The following GPC6 variants were observed in gnomAD, a reference collection of about 807,000 sequenced individuals.
The protein encoded by GPC6 is glypican 6, also known as glypican-6.
A neutral mutation model predicts 55.2 loss-of-function variants in GPC6; 14 were observed. The observed-to-expected ratio is 0.25, with a 90% confidence interval of 0.17 to 0.40. The LOEUF (loss-of-function observed/expected upper bound fraction) is 0.40. Among genes scored for constraint, GPC6 ranks in the 10% least tolerant of loss-of-function variants. The pLI is 1.00. For synonymous variants in GPC6, 278 were observed against 259.6 expected, an observed-to-expected ratio of 1.07 and a Z score of -0.68; for missense variants, 641 against 708.5, an observed-to-expected ratio of 0.90 and a Z score of 1.08.
At chr13:93,395,943 G>A (rs1875838361) in intron 1 of GPC6, 1 of 152,220 alleles carries the variant, frequency 6.6e-6, no homozygotes, top group African/African-American at 2.4e-5. Flanking sequence ...GCTAAAGGAA[G>A]AGTCATGTGT....
intron 2 of GPC6, among the ~76,000 whole-genome samples, chr13:93,784,249 T>C (rs1885752071): frequency 6.6e-6 from 1 of 152,156 alleles, no homozygotes; most frequent in Admixed American, 6.6e-5. Context: ...TTGAGAACTA[T>C]TAGAAATAGT....
chr13:93,649,191 C>T (rs1243945920), intron 2 of GPC6, among the ~76,000 whole-genome samples: 2 of 152,194 alleles, frequency 1.3e-5, no homozygotes, highest in South Asian at 2.1e-4. Context: ...TGGCTTACAC[C>T]TGTAATCCCA....
At position 94,347,430 on chromosome 13, in the gene GPC6, A is replaced by G. The variant is rs115172470; in HGVS notation, c.1153-34984A>G. On this transcript the variant is annotated intron_variant, in intron 6 of 8. Transcript: ENST00000377047. ...TCAGGACTATGTGCTTTGATGGAGTATGATATACTTGACAGACAGATTTTT... is the reference window on the plus strand; with the variant it reads ...TCAGGACTATGTGCTTTGATGGAGTGTGATATACTTGACAGACAGATTTTT... 2.8e-3 allele frequency among the ~76,000 whole-genome samples: 426 copies of G among 152,324 alleles called. 5 individuals are homozygous for G. Among genetic ancestry groups the G allele is most frequent in the African/African-American group, 9.7e-3 (405 of 41,562 alleles).
chr13:94,092,777 T>A (rs1277469600), intron 4 of GPC6, among the ~76,000 whole-genome samples: 1 of 152,174 alleles, frequency 6.6e-6, no homozygotes, highest in African/African-American at 2.4e-5. Context: ...TTTCTCCACA[T>A]CCTCACCAAC....
Position 94,398,481 on chromosome 13 carries a change from C to G in GPC6, c.1305C>G (p.Ile435Met), listed in dbSNP as rs1347165797. The change falls in exon 8 of 9, where the codon ATC becomes ATG. Residue 435 changes from isoleucine to methionine, a missense_variant. Ile to Met is a conservative substitution (Grantham distance 10). Transcript: ENST00000377047. ...GHSKARYLPE[I>M]MNDGLTNQIN... is the part of the protein sequence containing the mutation. ...TGCCTTGCAGATACTTGCCTGAGAT[C>G]ATGAATGATGGGCTCACCAACCAGA... 3.1e-6 allele frequency: 5 copies of G among 1,613,138 alleles called. No individual in the cohort carries two copies. In the African/African-American group the frequency reaches 6.7e-5, roughly 22 times the overall value.
chr13:93,597,264 C>T (rs776459121), intron 2 of GPC6, among the ~76,000 whole-genome samples: 1 of 152,188 alleles, frequency 6.6e-6, no homozygotes, highest in Admixed American at 6.5e-5. Flanking sequence ...CAAGTTGACA[C>T]ATCACATGAA....
intron 3 of GPC6, among the ~76,000 whole-genome samples, chr13:93,884,213 C>T (rs562942430): frequency 7.2e-5 from 11 of 152,188 alleles, no homozygotes; most frequent in South Asian, 2.1e-4. Context: ...CATTCTAAGG[C>T]GAACTGTTTC....
chr13:94,336,880 A>G (rs1387880113), intron 6 of GPC6, among the ~76,000 whole-genome samples: 1 of 152,224 alleles, frequency 6.6e-6, no homozygotes, highest in African/African-American at 2.4e-5. Flanking sequence ...AAAAATAAAT[A>G]AATCCAGAGT....
chr13:93,342,524 C>T (rs775003088), intron 1 of GPC6, among the ~76,000 whole-genome samples: 51 of 152,272 alleles, frequency 3.3e-4, no homozygotes, highest in Non-Finnish European at 6.8e-4. Flanking sequence ...GTTCAATTAC[C>T]TCCCATCAGG....
At chr13:93,772,799 C>T (rs1325500909) in intron 2 of GPC6, among the ~76,000 whole-genome samples, 1 of 152,056 alleles carries the variant, frequency 6.6e-6, no homozygotes, top group Non-Finnish European at 1.5e-5. Flanking sequence ...TCTCCTGGAG[C>T]CTGAGGGCCA....
At chr13:94,309,508 A>C (rs1876123785) in intron 6 of GPC6, among the ~76,000 whole-genome samples, 1 of 145,758 alleles carries the variant, frequency 6.9e-6, no homozygotes, top group South Asian at 2.4e-4. Context: ...TCCATCATTT[A>C]ACATCTTATT....
At chr13:93,258,666 C>A (rs1877034879) in intron 1 of GPC6, among the ~76,000 whole-genome samples, 1 of 152,020 alleles carries the variant, frequency 6.6e-6, no homozygotes, top group African/African-American at 2.4e-5. Flanking sequence ...GGGGTGGGTA[C>A]AATGGCTCAT....
At chr13:94,159,829 C>T (rs899816473) in intron 4 of GPC6, among the ~76,000 whole-genome samples, 2 of 152,202 alleles carry the variant, frequency 1.3e-5, no homozygotes, top group Non-Finnish European at 2.9e-5. Flanking sequence ...GAGAAATCTT[C>T]TCAAGCAAAT....
chr13:94,050,573 G>C (rs1409409702), intron 4 of GPC6, among the ~76,000 whole-genome samples: 4 of 152,176 alleles, frequency 2.6e-5, no homozygotes, highest in Non-Finnish European at 5.9e-5. Context: ...AAGCTAGCCT[G>C]CTAAGCAGGC....
chr13:93,673,981 G>T (rs1174275054), intron 2 of GPC6, among the ~76,000 whole-genome samples: 2 of 152,102 alleles, frequency 1.3e-5, no homozygotes, highest in African/African-American at 4.8e-5. Context: ...TGTAGGCGCA[G>T]TGTTTAAGGA....
intron 4 of GPC6, among the ~76,000 whole-genome samples, chr13:94,068,101 C>T (rs1029992941): frequency 4.6e-5 from 7 of 152,074 alleles, no homozygotes; most frequent in Non-Finnish European, 7.4e-5. Context: ...AAGACATACT[C>T]GAGACTGGGC....
At chr13:93,750,645 G>A (rs1884546770) in intron 2 of GPC6, among the ~76,000 whole-genome samples, 1 of 152,166 alleles carries the variant, frequency 6.6e-6, no homozygotes, top group South Asian at 2.1e-4. Flanking sequence ...TCCGTTCTCA[G>A]CAGATTAGCT....
chr13:93,358,319 G>A (rs976234035), intron 1 of GPC6, among the ~76,000 whole-genome samples: 3 of 152,078 alleles, frequency 2.0e-5, no homozygotes, highest in East Asian at 1.9e-4. Flanking sequence ...CAGCCTGGGC[G>A]ACAGAGTAAG....
At chr13:93,362,338 G>A (rs904372957) in intron 1 of GPC6, among the ~76,000 whole-genome samples, 9 of 152,120 alleles carry the variant, frequency 5.9e-5, no homozygotes, top group African/African-American at 1.9e-4. Flanking sequence ...GAATTTCTGA[G>A]TGGTAGATCC....
Sources: allele counts gnomAD v4.1 joint callset (sites outside exome capture counted in the v4.1 genomes callset), GRCh38; gene constraint gnomAD v4.1.1; transcripts MANE v1.5; gene names NCBI Gene and HGNC (gene_info 2026-07-23, HGNC 2026-07-21).